DNAH6: variants seen among roughly 807,000 people sequenced by gnomAD.
The protein encoded by DNAH6 is axonemal beta dynein heavy chain 6.
DNAH6 carries 340 observed loss-of-function variants against 491.4 expected under a neutral mutation model. The observed-to-expected ratio is 0.69, with a 90% CI of 0.63 to 0.76. The LOEUF (loss-of-function observed/expected upper bound fraction) is 0.76. Among genes scored for constraint, DNAH6 ranks in the 30% least tolerant of loss-of-function variants. The probability of loss-of-function intolerance (pLI) is 0.00; values close to 1 mark genes in which losing one functional copy is unlikely to be tolerated. For missense variants in DNAH6, 4,443 were observed against 4,972.2 expected (o/e 0.89, Z 3.20); for synonymous variants, 1,603 against 1,686.1 (o/e 0.95, Z 1.21).
intron 63 of DNAH6, among the ~76,000 whole-genome samples, chr2:84,747,300 A>G (rs1255982213): frequency 1.3e-5 from 2 of 152,182 alleles, no homozygotes; most frequent in African/African-American, 4.8e-5. Context: ...AAAACAAGTT[A>G]TTTACTTCCA....
chr2:84,762,192 G>A (rs1473397214), intron 63 of DNAH6, among the ~76,000 whole-genome samples: 1 of 152,134 alleles, frequency 6.6e-6, no homozygotes, highest in Non-Finnish European at 1.5e-5. Flanking sequence ...GTCAGAAGAG[G>A]CTGGTGAGTG....
At chr2:84,698,454 T>C (rs1158712699) in intron 47 of DNAH6, among the ~76,000 whole-genome samples, 1 of 152,320 alleles carries the variant, frequency 6.6e-6, no homozygotes, top group Admixed American at 6.5e-5. Flanking sequence ...ATGTACACTG[T>C]AGAAGTCAAT....
intron 16 of DNAH6, among the ~76,000 whole-genome samples, chr2:84,593,244 G>A (rs1438036882): frequency 6.6e-6 from 1 of 152,114 alleles, no homozygotes. Context: ...CCTTCCTTCT[G>A]TGGCTCTCAA....
chr2:84,493,555 T>A, the DNAH6 span, among the ~76,000 whole-genome samples: 1 of 152,204 alleles, frequency 6.6e-6, no homozygotes, highest in Non-Finnish European at 1.5e-5. Flanking sequence ...ACACGTAGCT[T>A]TCAAAACTCA....
intron 40 of DNAH6, among the ~76,000 whole-genome samples, chr2:84,676,685 G>A (rs1693262910): frequency 6.6e-6 from 1 of 152,150 alleles, no homozygotes; most frequent in South Asian, 2.1e-4. Context: ...ATGAATATTT[G>A]TTGAAAGAAT....
At chr2:84,603,578 A>G (rs945487180) in intron 18 of DNAH6, among the ~76,000 whole-genome samples, 16 of 152,124 alleles carry the variant, frequency 1.1e-4, no homozygotes, top group African/African-American at 3.6e-4. Context: ...TTAAACCTTC[A>G]TCTTACGAGG....
intron 48 of DNAH6, 83 bp from the exon 49 acceptor site, chr2:84,701,014 C>G: frequency 1.4e-6 from 2 of 1,466,368 alleles, no homozygotes; most frequent in East Asian, 2.5e-5. Flanking sequence ...GAGGAGTTCC[C>G]GAGAAATATG....
At position 84,815,886 on chromosome 2, in the gene DNAH6, T is replaced by A; in HGVS notation, c.12176T>A (p.Leu4059His). The A allele has an allele frequency of 6.4e-7, 1 of 1,551,576 alleles. No homozygotes were observed. The highest frequency in any genetic ancestry group is 8.7e-7 in the Non-Finnish European group (1 of 1,146,924). ...TTGCCCTCTCCTGAGGATGGTGTTC[T>A]TGTTCATGGGATGTTCATGGATGCT... ...MELPSPEDGV[L>H]VHGMFMDASR... The change falls in exon 76 of 77, where the codon CTT becomes CAT. Residue 4059 changes from leucine (L) to histidine (H), a missense_variant. Around this residue, in one of 3 missense-constraint regions of DNAH6, gnomAD observed 1,463 missense variants for 1,656.6 expected, o/e 0.88. Transcript: ENST00000389394.
intron 31 of DNAH6, among the ~76,000 whole-genome samples, chr2:84,639,284 G>GT (rs1349513375): frequency 1.3e-5 from 2 of 152,032 alleles, no homozygotes; most frequent in Non-Finnish European, 2.9e-5. Context: ...AGTCCAACAT[G>GT]TTTTCCATAT....
chr2:84,578,102 A>G (rs766799573), intron 13 of DNAH6, among the ~76,000 whole-genome samples: 1 of 152,140 alleles, frequency 6.6e-6, no homozygotes, highest in African/African-American at 2.4e-5. Context: ...CAAATCTAAA[A>G]TATTTACTAT....
intron 17 of DNAH6, 42 bp from the exon 18 acceptor site, chr2:84,595,604 T>C (rs561996179): frequency 2.0e-6 from 3 of 1,489,530 alleles, no homozygotes; most frequent in Non-Finnish European, 2.7e-6. Flanking sequence ...ACTTTTACTT[T>C]ATGTTTTAAC....
At chr2:84,477,223 G>A in the DNAH6 span, among the ~76,000 whole-genome samples, 1 of 152,168 alleles carries the variant, frequency 6.6e-6, no homozygotes, top group Non-Finnish European at 1.5e-5. Context: ...GGGTCAAAAG[G>A]GCAGGCTCAT....
At chr2:84,711,120 G>T (rs1697001911) in intron 56 of DNAH6, among the ~76,000 whole-genome samples, 1 of 152,148 alleles carries the variant, frequency 6.6e-6, no homozygotes, top group African/African-American at 2.4e-5. Flanking sequence ...GTTATCAGAG[G>T]TTTGAAAGGG....
chr2:84,792,329 G>A (rs549848655), intron 68 of DNAH6, among the ~76,000 whole-genome samples: 7 of 152,084 alleles, frequency 4.6e-5, no homozygotes, highest in African/African-American at 1.7e-4. Context: ...TTAATCAGAA[G>A]GTATTTTGTA....
intron 11 of DNAH6, among the ~76,000 whole-genome samples, chr2:84,562,991 G>A (rs148608843): frequency 1.1e-4 from 16 of 152,228 alleles, no homozygotes; most frequent in East Asian, 7.7e-4. Flanking sequence ...GGGTTTTCCC[G>A]TGCTGTTCTC....
intron 4 of DNAH6, among the ~76,000 whole-genome samples, chr2:84,531,076 G>A (rs10177063): frequency 0.95 from 144,531 of 152,204 alleles, 68,652 homozygotes; most frequent in East Asian, 1. Flanking sequence ...TCAGTCTGGA[G>A]AAGTGGGAAA....
intron 21 of DNAH6, among the ~76,000 whole-genome samples, chr2:84,607,341 G>C (rs1685872992): frequency 6.6e-6 from 1 of 151,958 alleles, no homozygotes; most frequent in Non-Finnish European, 1.5e-5. Flanking sequence ...TTGTAGATTT[G>C]GTTCCAAACC....
chr2:84,596,677 AAC>A (rs1491170684), intron 18 of DNAH6, among the ~76,000 whole-genome samples: 1,537 of 55,782 alleles, frequency 0.028, 11 homozygotes, highest in South Asian at 0.11. Context: ...CTAAAAAAAA[AAC>A]AAATGTGGAG....
intron 24 of DNAH6, among the ~76,000 whole-genome samples, chr2:84,620,114 T>C (rs73943316): frequency 0.011 from 1,737 of 152,146 alleles, 33 homozygotes; most frequent in African/African-American, 0.04. Flanking sequence ...AACAAAAACA[T>C]GTGTTCTGTT....
Sources: gnomAD v4.1 joint callset for allele counts (sites outside exome capture counted in the v4.1 genomes callset) on GRCh38, gnomAD v4.1.1 for gene constraint, gnomAD v4.1.1 regional missense constraint, MANE v1.5 for transcripts, NCBI Gene and HGNC (gene_info 2026-07-23, HGNC 2026-07-21) for gene names.